Variants in PSME3IP1 observed in about 807,000 individuals in gnomAD.
PSME3IP1 encodes proteasome activator subunit 3 interacting protein 1, also known as PSME3-interacting protein.
PSME3IP1 carries 13 observed loss-of-function variants against 34.1 expected under a neutral mutation model. That is an observed-to-expected ratio of 0.38 (90% confidence interval 0.25 to 0.61). The LOEUF is 0.61. Ranked by LOEUF, PSME3IP1 falls within the 20% of genes least tolerant of loss-of-function variation. The pLI is 0.60. For missense variants in PSME3IP1, 237 were observed against 301.4 expected, an observed-to-expected ratio of 0.79 and a Z score of 1.58; for synonymous variants, 93 against 114.3, an observed-to-expected ratio of 0.81 and a Z score of 1.19.
intron 4 of PSME3IP1, among the ~76,000 whole-genome samples, chr16:57,171,767 G>A (rs2072615800): frequency 6.6e-6 from 1 of 152,128 alleles, no homozygotes; most frequent in Non-Finnish European, 1.5e-5. Flanking sequence ...GTTTCATTTG[G>A]GATGTCTATG....
At chr16:57,168,501 A>AT (rs1300058119) in intron 4 of PSME3IP1, among the ~76,000 whole-genome samples, 6 of 48,754 alleles carry the variant, frequency 1.2e-4, no homozygotes, top group South Asian at 1.1e-3. Context: ...ACTCATTTTT[A>AT]TTTAAAAAAA....
rs188688091 is a variant in PSME3IP1, at chr16:57,166,576, C to G, written c.482+517G>C. 2.0e-5 allele frequency among the ~76,000 whole-genome samples: 3 copies of G among 152,300 alleles called. No individual in the cohort carries two copies. In the East Asian group the frequency reaches 5.8e-4, roughly 29 times the overall value. ...CCCCAACCTCCCCAACATGAAGATGCACACAACACCCTCCCAGCAGCATTG... is the reference window on the plus strand; with the variant it reads ...CCCCAACCTCCCCAACATGAAGATGGACACAACACCCTCCCAGCAGCATTG... On this transcript the variant is annotated intron_variant, in intron 5 of 6. Coordinates refer to ENST00000309137, the MANE Select transcript of PSME3IP1 (RefSeq NM_024946.4).
intron 1 of PSME3IP1, among the ~76,000 whole-genome samples, chr16:57,182,488 G>A (rs1357383209): frequency 7.6e-6 from 1 of 131,454 alleles, no homozygotes; most frequent in Non-Finnish European, 1.5e-5. Flanking sequence ...TGAGACTGGA[G>A]GACTGCTTGA....
intron 6 of PSME3IP1, 103 bp downstream of exon 6, chr16:57,163,898 T>G: frequency 8.3e-7 from 1 of 1,202,306 alleles, no homozygotes; most frequent in Non-Finnish European, 1.2e-6. Flanking sequence ...TAGGCTTGCT[T>G]GAAGACAGAA....
intron 4 of PSME3IP1, 124 bp downstream of exon 4, chr16:57,172,127 G>T (rs2072655917): frequency 2.0e-6 from 2 of 1,008,388 alleles, no homozygotes; most frequent in Non-Finnish European, 3.0e-6. Flanking sequence ...GAATATCAGT[G>T]TTCAAAGGGA....
intron 4 of PSME3IP1, among the ~76,000 whole-genome samples, chr16:57,168,803 CA>C (rs1189721344): frequency 7.6e-3 from 182 of 23,900 alleles, no homozygotes; most frequent in African/African-American, 0.021. Context: ...AACTCTGTCT[CA>C]AAAAAAAAAA....
chr16:57,154,097 A>G lies in PSME3IP1; in HGVS notation c.*193T>C. The G allele has an allele frequency of 1.7e-6, 1 of 581,936 alleles. No individual in the cohort carries two copies. Among genetic ancestry groups the G allele is most frequent in the Non-Finnish European group, 3.0e-6 (1 of 328,442 alleles). 36.0% of individuals were successfully genotyped at this position (581,936 alleles called of 1,614,324 possible). On this transcript the variant is annotated 3_prime_UTR_variant, in exon 7 of 7. Coordinates refer to ENST00000309137, the MANE Select transcript of PSME3IP1 (RefSeq NM_024946.4). The surrounding 1 kb of genome is among the most constrained non-coding windows in gnomAD (Gnocchi z 4.0). ...CAGGTTTGGTCATCTGCAGTGGAGT[A>G]GAAAGAGGAACCAAACACGATTCGG...
rs201057070 is a variant in PSME3IP1 at position 57,164,083 on chromosome 16, G to T, written c.483-18C>A. On this transcript the variant is annotated intron_variant, in intron 5 of 6. Coordinates refer to ENST00000309137, the MANE Select transcript of PSME3IP1 (RefSeq NM_024946.4). Reference sequence around the variant, plus strand: ...TCTCTGAGCTGTAACAAAACACATGGTGACTTGAGCCATGTCCAATCTTGT... The same window carrying T: ...TCTCTGAGCTGTAACAAAACACATGTTGACTTGAGCCATGTCCAATCTTGT... 4.2e-4 allele frequency: 670 copies of T among 1,612,968 alleles called. 1 individual carries two copies. Among genetic ancestry groups the T allele is most frequent in the Non-Finnish European group, 4.6e-4 (537 of 1,179,384 alleles).
chr16:57,179,589 A>C (rs2073509742), intron 1 of PSME3IP1, among the ~76,000 whole-genome samples: 1 of 152,236 alleles, frequency 6.6e-6, no homozygotes. Flanking sequence ...GTGCCATGAC[A>C]CAAAGTAATG....
chr16:57,184,622 T>C (rs2074004950), intron 1 of PSME3IP1, among the ~76,000 whole-genome samples: 1 of 152,272 alleles, frequency 6.6e-6, no homozygotes, highest in Admixed American at 6.5e-5. Flanking sequence ...ACTGACCCTG[T>C]ACGTACATCG....
chr16:57,175,155 C>G (rs1388022114), intron 1 of PSME3IP1, among the ~76,000 whole-genome samples: 1 of 152,002 alleles, frequency 6.6e-6, no homozygotes, highest in Non-Finnish European at 1.5e-5. Flanking sequence ...GCTGGGACTA[C>G]AGGCGTGTGC....
intron 6 of PSME3IP1, among the ~76,000 whole-genome samples, chr16:57,161,801 G>A (rs138564255): frequency 3.9e-5 from 6 of 152,176 alleles, no homozygotes; most frequent in South Asian, 2.1e-4. Flanking sequence ...GGGAGTCACC[G>A]CGCCCGGCCA....
chr16:57,153,483 T>C lies in PSME3IP1; in HGVS notation c.*807A>G, dbSNP rs531772808. ...ATCTCATTAACATACCTACCTGCAG[T>C]TCTGATGTCTGGCTATTAGTAAACA... On this transcript the variant is annotated 3_prime_UTR_variant, in exon 7 of 7. Coordinates refer to ENST00000309137, the MANE Select transcript of PSME3IP1 (RefSeq NM_024946.4). 6.9e-4 allele frequency: 105 copies of C among 152,342 alleles called. No individual in the cohort carries two copies. Among genetic ancestry groups the C allele is most frequent in the African/African-American group, 2.5e-3 (104 of 41,570 alleles). The allele number at this position is 152,342 out of a possible 1,614,324, so 9.4% of individuals were successfully genotyped here.
rs1460304906 is a variant in PSME3IP1 at position 57,167,209 on chromosome 16, A to G, written c.366T>C (p.Val122=). The change falls in exon 5 of 7, where the codon GTT becomes GTC. Residue 122 remains valine (V), a synonymous_variant. Coordinates refer to ENST00000309137, the MANE Select transcript of PSME3IP1 (RefSeq NM_024946.4). The part of the protein sequence containing the change: ...LKEYRNNLKK[V]GISQENKKEV... The stretch of plus-strand genomic sequence containing the variant: ...CCTTCTTGTTCTCTTGAGAAATTCC[A>G]ACCTTCTTGAGGTTATTGTGAGTTA... 1 of 1,614,224 alleles carries G rather than the reference A, an allele frequency of 6.2e-7. No homozygotes were observed. Among genetic ancestry groups the G allele is most frequent in the South Asian group, 1.1e-5 (1 of 91,084 alleles).
Position 57,154,582 on chromosome 16 carries a change from C to T in PSME3IP1, c.548-75G>A. The T allele has an allele frequency of 7.7e-7, 1 of 1,294,338 alleles. No homozygotes were observed. The allele number at this position is 1,294,338 out of a possible 1,614,324, so 80.2% of individuals were successfully genotyped here. A position where few individuals can be genotyped will look rare whatever the true frequency, so the allele number is the denominator to read the frequency against. The stretch of plus-strand genomic sequence containing the variant: ...GGGGACTGACTTACCATGTGCCAGG[C>T]ACTGTACCAAGGGATTTTCCCACAG... On this transcript the variant is annotated intron_variant, in intron 6 of 6. Transcript: ENST00000309137. The surrounding 1 kb of genome is among the most constrained non-coding windows in gnomAD (Gnocchi z 4.0).
chr16:57,182,286 C>A (rs1393437657), intron 1 of PSME3IP1, among the ~76,000 whole-genome samples: 1 of 151,998 alleles, frequency 6.6e-6, no homozygotes, highest in Non-Finnish European at 1.5e-5. Context: ...CTACAATTAA[C>A]ATGCTGCCTC....
At chr16:57,180,921 T>C (rs1037332861) in intron 1 of PSME3IP1, among the ~76,000 whole-genome samples, 1 of 152,062 alleles carries the variant, frequency 6.6e-6, no homozygotes, top group African/African-American at 2.4e-5. Flanking sequence ...CCAGGTGTGA[T>C]GGTGCACTAC....
rs767648815 is a variant in PSME3IP1, at chr16:57,172,722, T to C, written c.226+54A>G. 3 of 1,306,448 alleles carry C rather than the reference T, an allele frequency of 2.3e-6. No individual in the cohort carries two copies. In the African/African-American group the frequency reaches 4.4e-5, roughly 19 times the overall value. The allele number at this position is 1,306,448 out of a possible 1,614,324, so 80.9% of individuals were successfully genotyped here. A position where few individuals can be genotyped will look rare whatever the true frequency, so the allele number is the denominator to read the frequency against. ...GGAAAAGTGCTGCACAAGGCAAAAGTGCGTCAAAAGTACCCCACAGAGCCC... is the reference window on the plus strand; with the variant it reads ...GGAAAAGTGCTGCACAAGGCAAAAGCGCGTCAAAAGTACCCCACAGAGCCC... On this transcript the variant is annotated intron_variant, in intron 3 of 6. Coordinates refer to ENST00000309137, the MANE Select transcript of PSME3IP1 (RefSeq NM_024946.4).
At chr16:57,180,134 TA>T (rs1432210732) in intron 1 of PSME3IP1, among the ~76,000 whole-genome samples, 1 of 152,158 alleles carries the variant, frequency 6.6e-6, no homozygotes, top group Non-Finnish European at 1.5e-5. Flanking sequence ...CAAAGGAGAC[TA>T]AAAGAATCTA....
Sources: allele counts gnomAD v4.1 joint callset (sites outside exome capture counted in the v4.1 genomes callset), GRCh38; gene constraint gnomAD v4.1.1; non-coding constraint Gnocchi (gnomAD v3.1); transcripts MANE v1.5; gene names NCBI Gene and HGNC (gene_info 2026-07-23, HGNC 2026-07-21).